Variants in MSI2 observed in about 807,000 individuals in gnomAD.
MSI2 encodes musashi RNA binding protein 2, also known as RNA-binding protein Musashi homolog 2.
A neutral mutation model predicts 45.6 loss-of-function variants in MSI2; 17 were observed. That is an observed-to-expected ratio of 0.37 (90% CI 0.26 to 0.56). MSI2 has a LOEUF of 0.56. Ranked by LOEUF, MSI2 falls within the 20% of genes least tolerant of loss-of-function variation. MSI2 has a pLI of 0.77. For synonymous variants in MSI2, 156 were observed against 158.2 expected, an observed-to-expected ratio of 0.99 and a Z score of 0.11; for missense variants, 293 against 444.2, an observed-to-expected ratio of 0.66 and a Z score of 3.06.
intron 7 of MSI2, among the ~76,000 whole-genome samples, chr17:57,581,061 G>A (rs2088193380): frequency 8.1e-6 from 1 of 123,572 alleles, no homozygotes. Context: ...CACCCAGGCT[G>A]GAGTGCAGTG....
At chr17:57,351,059 C>T (rs527400285) in intron 5 of MSI2, among the ~76,000 whole-genome samples, 69 of 152,132 alleles carry the variant, frequency 4.5e-4, no homozygotes, top group African/African-American at 1.6e-3. Flanking sequence ...GACCTGTGGC[C>T]GAGGAGGAGT....
Position 57,636,852 on chromosome 17 carries a change from T to C in MSI2, c.727+9549T>C, listed in dbSNP as rs528012802. Among the ~76,000 whole-genome samples the C allele has an allele frequency of 2.6e-5, 4 of 152,336 alleles. No homozygotes were observed. In the East Asian group the frequency reaches 5.8e-4, roughly 22 times the overall value. ...CAGCGAGCAATGGCTGGTTTCTTGC[T>C]AGTAGGGACACAGATCTTGAAATAT... On this transcript the variant is annotated intron_variant, in intron 10 of 13. Transcript: ENST00000284073.
intron 5 of MSI2, among the ~76,000 whole-genome samples, chr17:57,372,358 A>G (rs2083433437): frequency 6.6e-6 from 1 of 152,224 alleles, no homozygotes; most frequent in South Asian, 2.1e-4. Context: ...TTTCAGTGTA[A>G]CTGTTCCAAG....
intron 5 of MSI2, among the ~76,000 whole-genome samples, chr17:57,386,356 A>G (rs1182789112): frequency 6.6e-6 from 1 of 152,122 alleles, no homozygotes; most frequent in South Asian, 2.1e-4. Context: ...CCAGTGTAGC[A>G]GTGAGGAGTG....
intron 6 of MSI2, among the ~76,000 whole-genome samples, chr17:57,453,774 C>T (rs529708167): frequency 9.2e-5 from 14 of 152,282 alleles, no homozygotes; most frequent in African/African-American, 1.9e-4. Context: ...TTGCAACCTC[C>T]GGCATAAATG....
chr17:57,374,922 T>C (rs958662232), intron 5 of MSI2, among the ~76,000 whole-genome samples: 1 of 152,138 alleles, frequency 6.6e-6, no homozygotes, highest in Non-Finnish European at 1.5e-5. Flanking sequence ...ATGGGAATGA[T>C]CATCTTGGTT....
chr17:57,324,377 G>C (rs117873378), intron 5 of MSI2, among the ~76,000 whole-genome samples: 1 of 151,936 alleles, frequency 6.6e-6, no homozygotes, highest in East Asian at 1.9e-4. Context: ...GCTGGCTCCC[G>C]CGGTCATATA....
At chr17:57,546,195 A>G (rs2087163308) in intron 7 of MSI2, among the ~76,000 whole-genome samples, 1 of 152,242 alleles carries the variant, frequency 6.6e-6, no homozygotes, top group African/African-American at 2.4e-5. Context: ...ACAACCAGAC[A>G]AGGTTCGGTG....
chr17:57,453,043 T>A (rs1308601963), intron 6 of MSI2, among the ~76,000 whole-genome samples: 1 of 148,000 alleles, frequency 6.8e-6, no homozygotes. Context: ...TCTTGCTTTG[T>A]CACCCAGATG....
At chr17:57,468,845 G>C (rs1211464419) in intron 6 of MSI2, among the ~76,000 whole-genome samples, 2 of 152,070 alleles carry the variant, frequency 1.3e-5, no homozygotes, top group Non-Finnish European at 2.9e-5. Flanking sequence ...TGCTGTAGGG[G>C]GCCCGAGAGG....
intron 6 of MSI2, among the ~76,000 whole-genome samples, chr17:57,520,445 G>A (rs986453967): frequency 2.0e-5 from 3 of 152,118 alleles, no homozygotes; most frequent in Non-Finnish European, 4.4e-5. Flanking sequence ...AAGAATAAAA[G>A]AAGTAAATGT....
intron 5 of MSI2, among the ~76,000 whole-genome samples, chr17:57,295,482 GATTATT>G (rs142519824): frequency 1.3e-5 from 2 of 152,160 alleles, no homozygotes; most frequent in African/African-American, 2.4e-5. Flanking sequence ...GTTTTTGGGG[GATTATT>G]ATTATTATTA....
intron 12 of MSI2, among the ~76,000 whole-genome samples, chr17:57,676,367 T>C (rs1373494104): frequency 6.6e-6 from 1 of 152,224 alleles, no homozygotes; most frequent in Non-Finnish European, 1.5e-5. Flanking sequence ...CCAGTATCAC[T>C]TAAGTCAGTA....
intron 5 of MSI2, among the ~76,000 whole-genome samples, chr17:57,334,076 C>T (rs1914498962): frequency 6.6e-6 from 1 of 152,172 alleles, no homozygotes; most frequent in South Asian, 2.1e-4. Context: ...TTCCCCCATC[C>T]CCAACCGGGG....
At chr17:57,440,348 G>A (rs952672644) in intron 6 of MSI2, among the ~76,000 whole-genome samples, 3 of 151,420 alleles carry the variant, frequency 2.0e-5, no homozygotes, top group Non-Finnish European at 2.9e-5. Context: ...TTTGGACCCC[G>A]TATCTGTGGG....
At chr17:57,471,465 A>G (rs1317895705) in intron 6 of MSI2, among the ~76,000 whole-genome samples, 2 of 151,556 alleles carry the variant, frequency 1.3e-5, no homozygotes, top group Non-Finnish European at 2.9e-5. Flanking sequence ...TAATTTTTGT[A>G]TTTTTAGTAG....
chr17:57,569,698 C>G (rs1339161521), intron 7 of MSI2, among the ~76,000 whole-genome samples: 2 of 152,236 alleles, frequency 1.3e-5, no homozygotes, highest in Non-Finnish European at 2.9e-5. Context: ...GGTGACTATC[C>G]TAAACCAGTG....
chr17:57,587,153 G>A (rs1904365536), intron 7 of MSI2, among the ~76,000 whole-genome samples: 1 of 152,124 alleles, frequency 6.6e-6, no homozygotes, highest in African/African-American at 2.4e-5. Context: ...CAGAAGCATT[G>A]GTCTAGGAGC....
chr17:57,579,512 A>G (rs1055884835), intron 7 of MSI2, among the ~76,000 whole-genome samples: 2 of 152,142 alleles, frequency 1.3e-5, no homozygotes, highest in African/African-American at 2.4e-5. Flanking sequence ...TGTGCCAGCC[A>G]TCAGGACATC....
Sources: allele counts gnomAD v4.1 joint callset (sites outside exome capture counted in the v4.1 genomes callset), GRCh38; gene constraint gnomAD v4.1.1; transcripts MANE v1.5; gene names NCBI Gene and HGNC (gene_info 2026-07-23, HGNC 2026-07-21).